Variants in FSTL4 observed in about 807,000 individuals in gnomAD.
The protein encoded by FSTL4 is follistatin-related protein 4.
FSTL4 carries 28 observed loss-of-function variants against 78.2 expected under a neutral mutation model. The observed-to-expected ratio is 0.36, with a 90% confidence interval of 0.27 to 0.49. The LOEUF (loss-of-function observed/expected upper bound fraction) is 0.49. Among genes scored for constraint, FSTL4 ranks in the 20% least tolerant of loss-of-function variants. The probability of loss-of-function intolerance (pLI) is 0.98; values close to 1 mark genes in which losing one functional copy is unlikely to be tolerated. For missense variants in FSTL4, 922 were observed against 1,084.9 expected (o/e 0.85, Z 2.11); for synonymous variants, 422 against 440.5 (o/e 0.96, Z 0.53).
chr5:133,467,252 ATGTGAG>A (rs1423553935), intron 3 of FSTL4, among the ~76,000 whole-genome samples: 1 of 124,260 alleles, frequency 8.0e-6, no homozygotes, highest in African/African-American at 3.7e-5. Flanking sequence ...GAATGAGTAT[ATGTGAG>A]TGTGTGTGTG....
chr5:133,604,543 T>C (rs990862571), intron 1 of FSTL4, among the ~76,000 whole-genome samples: 3 of 152,136 alleles, frequency 2.0e-5, no homozygotes, highest in African/African-American at 4.8e-5. Flanking sequence ...ACCCGGTCTC[T>C]ACTAAACATA....
chr5:133,775,525 C>T, the FSTL4 span, among the ~76,000 whole-genome samples: 11 of 152,190 alleles, frequency 7.2e-5, no homozygotes, highest in East Asian at 1.3e-3. Flanking sequence ...ATGGTATTGA[C>T]GACAAAAACC....
chr5:133,290,997 G>A (rs891904379), intron 6 of FSTL4, among the ~76,000 whole-genome samples: 2 of 152,210 alleles, frequency 1.3e-5, no homozygotes, highest in African/African-American at 4.8e-5. Context: ...AGTCTCCCTA[G>A]AGCCTCCGTC....
At chr5:133,575,554 A>G (rs1760257966) in intron 2 of FSTL4, among the ~76,000 whole-genome samples, 1 of 152,220 alleles carries the variant, frequency 6.6e-6, no homozygotes, top group African/African-American at 2.4e-5. Flanking sequence ...TAAGAGAGGG[A>G]GACGATCAGA....
chr5:133,327,704 G>A (rs991281951), intron 4 of FSTL4, among the ~76,000 whole-genome samples: 2 of 152,178 alleles, frequency 1.3e-5, no homozygotes, highest in African/African-American at 4.8e-5. Flanking sequence ...CATGGCTACA[G>A]CACTGGGTCT....
At chr5:133,608,674 T>A (rs559115872) in intron 1 of FSTL4, among the ~76,000 whole-genome samples, 1 of 152,342 alleles carries the variant, frequency 6.6e-6, no homozygotes, top group Non-Finnish European at 1.5e-5. Flanking sequence ...ACCACAGGAT[T>A]TTCAGGTGTT....
chr5:133,720,038 T>C, the FSTL4 span, among the ~76,000 whole-genome samples: 1,647 of 152,324 alleles, frequency 0.011, 30 homozygotes, highest in African/African-American at 0.037. Flanking sequence ...ATTTCTAATT[T>C]AAGTTTAATG....
At chr5:133,597,280 G>A (rs1253970219) in intron 2 of FSTL4, among the ~76,000 whole-genome samples, 1 of 152,152 alleles carries the variant, frequency 6.6e-6, no homozygotes, top group Non-Finnish European at 1.5e-5. Context: ...CCTGACACAA[G>A]GACGACATTT....
chr5:133,769,822 C>T, the FSTL4 span, among the ~76,000 whole-genome samples: 7 of 152,204 alleles, frequency 4.6e-5, no homozygotes, highest in South Asian at 6.2e-4. Flanking sequence ...ACATTGTACC[C>T]AATAGGAATT....
At chr5:133,626,733 T>C in the FSTL4 span, among the ~76,000 whole-genome samples, 1 of 152,270 alleles carries the variant, frequency 6.6e-6, no homozygotes, top group Admixed American at 6.5e-5. Context: ...TTTGTTCCTT[T>C]GTGGATGGAG....
chr5:133,566,563 C>G (rs1760031335), intron 3 of FSTL4, among the ~76,000 whole-genome samples: 1 of 152,140 alleles, frequency 6.6e-6, no homozygotes, highest in Non-Finnish European at 1.5e-5. Context: ...TTATTAGAGA[C>G]TAGGTATTAC....
chr5:133,721,850 A>T, the FSTL4 span, among the ~76,000 whole-genome samples: 3 of 152,120 alleles, frequency 2.0e-5, no homozygotes, highest in South Asian at 6.2e-4. Context: ...TTCAGTAATT[A>T]TTTTATTAAA....
the FSTL4 span, among the ~76,000 whole-genome samples, chr5:133,746,511 T>A: frequency 2.0e-5 from 3 of 152,090 alleles, no homozygotes. Context: ...CCAGAAATAG[T>A]GAGCAGAAAG....
chr5:133,225,062 G>C lies in FSTL4; in HGVS notation c.1312+88C>G. On this transcript the variant is annotated intron_variant, in intron 10 of 15. Transcript: ENST00000265342. The surrounding 1 kb of genome is among the most constrained non-coding windows in gnomAD (Gnocchi z 4.6). ...TGTCTTCACGGGCTCATGGTTGGCA[G>C]CTGTGGCCCTGGTCAATTGGTGCCC... The C allele has an allele frequency of 6.8e-7, 1 of 1,461,916 alleles. No homozygotes were observed. Among genetic ancestry groups the C allele is most frequent in the Non-Finnish European group, 9.5e-7 (1 of 1,048,274 alleles). The allele number at this position is 1,461,916 out of a possible 1,614,324, so 90.6% of individuals were successfully genotyped here. A position where few individuals can be genotyped will look rare whatever the true frequency, so the allele number is the denominator to read the frequency against.
intron 3 of FSTL4, among the ~76,000 whole-genome samples, chr5:133,451,339 T>C (rs1259646718): frequency 2.0e-5 from 3 of 151,954 alleles, no homozygotes; most frequent in Admixed American, 6.6e-5. Flanking sequence ...GGCGTGCGGA[T>C]TACCTGAGGT....
chr5:133,760,944 C>T, the FSTL4 span, among the ~76,000 whole-genome samples: 15 of 152,268 alleles, frequency 9.9e-5, no homozygotes, highest in African/African-American at 3.1e-4. Context: ...CAACTCCAGG[C>T]AGAGGGATGT....
the FSTL4 span, among the ~76,000 whole-genome samples, chr5:133,627,358 G>T: frequency 6.6e-6 from 1 of 151,750 alleles, no homozygotes; most frequent in African/African-American, 2.4e-5. Flanking sequence ...TGAGAGCCAA[G>T]GAAAAAGGGG....
chr5:133,222,342 T>G (rs527397320), intron 11 of FSTL4, among the ~76,000 whole-genome samples: 1 of 152,260 alleles, frequency 6.6e-6, no homozygotes, highest in South Asian at 2.1e-4. Context: ...AGAGTCAGTC[T>G]TAGCTCCACA....
At chr5:133,222,149 G>A (rs577179125) in intron 11 of FSTL4, among the ~76,000 whole-genome samples, 36 of 152,102 alleles carry the variant, frequency 2.4e-4, no homozygotes, top group South Asian at 8.3e-4. Context: ...CGCCTCCAGC[G>A]TCTGTGCTGA....
Sources: allele counts gnomAD v4.1 joint callset (sites outside exome capture counted in the v4.1 genomes callset), GRCh38; gene constraint gnomAD v4.1.1; non-coding constraint Gnocchi (gnomAD v3.1); transcripts MANE v1.5; gene names NCBI Gene and HGNC (gene_info 2026-07-23, HGNC 2026-07-21).